Variants in MACROD1 observed in about 807,000 individuals in gnomAD.
The protein encoded by MACROD1 is mono-ADP ribosylhydrolase 1, also known as ADP-ribose glycohydrolase MACROD1.
In MACROD1, 31 loss-of-function variants were observed where a neutral mutation model predicts 41.4. The observed-to-expected ratio is 0.75, with a 90% confidence interval of 0.56 to 1.01. The LOEUF is 1.01. Among genes scored for constraint, MACROD1 ranks in the 50% least tolerant of loss-of-function variants. MACROD1 has a pLI of 0.00. For synonymous variants in MACROD1, 252 were observed against 203.4 expected (o/e 1.24, Z -2.03); for missense variants, 473 against 460.0 (o/e 1.03, Z -0.26).
intron 3 of MACROD1, among the ~76,000 whole-genome samples, chr11:64,052,186 C>T (rs1471003370): frequency 1.3e-5 from 2 of 151,912 alleles, no homozygotes; most frequent in African/African-American, 4.8e-5. Context: ...AGCCCCGGTG[C>T]CAAACCAGGG....
At chr11:64,133,069 G>A (rs1045784489) in intron 3 of MACROD1, among the ~76,000 whole-genome samples, 3 of 152,106 alleles carry the variant, frequency 2.0e-5, no homozygotes, top group Admixed American at 2.0e-4. Flanking sequence ...CCCAGCCAGA[G>A]CGCCCTGTGG....
chr11:64,000,162 G>A, intron 5 of MACROD1, 65 bp downstream of exon 5: 1 of 1,340,598 alleles, frequency 7.5e-7, no homozygotes, highest in South Asian at 1.2e-5. Flanking sequence ...CCGCACCCCT[G>A]ATGTCCCAGT....
At chr11:64,116,890 A>T (rs778199923) in intron 3 of MACROD1, 1 of 1,611,514 alleles carries the variant, frequency 6.2e-7, no homozygotes. Flanking sequence ...CTGGATGACA[A>T]CCGCATCTCC....
chr11:64,121,178 A>T (rs1945091859), intron 3 of MACROD1, among the ~76,000 whole-genome samples: 1 of 151,082 alleles, frequency 6.6e-6, no homozygotes, highest in South Asian at 2.1e-4. Context: ...CTCCCCTCCC[A>T]TTGCACAGAG....
At chr11:64,153,799 C>T (rs900539387) in intron 1 of MACROD1, among the ~76,000 whole-genome samples, 2 of 152,112 alleles carry the variant, frequency 1.3e-5, no homozygotes, top group Non-Finnish European at 2.9e-5. Flanking sequence ...TGTTTGGGCA[C>T]GAGTAGGTCC....
At chr11:64,165,590 C>T in intron 1 of MACROD1, 107 bp downstream of exon 1, 2 of 1,048,960 alleles carry the variant, frequency 1.9e-6, no homozygotes, top group Non-Finnish European at 2.6e-6. Context: ...CTCAACTTCC[C>T]CAGGTCTCTC....
intron 4 of MACROD1, among the ~76,000 whole-genome samples, chr11:64,004,501 A>G (rs1942877440): frequency 6.6e-6 from 1 of 152,184 alleles, no homozygotes; most frequent in South Asian, 2.1e-4. Flanking sequence ...AATTATTTAC[A>G]GGAACATAAG....
intron 3 of MACROD1, among the ~76,000 whole-genome samples, chr11:64,072,221 G>T: frequency 6.6e-6 from 1 of 152,120 alleles, no homozygotes; most frequent in Non-Finnish European, 1.5e-5. Context: ...AGCTGCTGTG[G>T]GATGGAGGGG....
intron 3 of MACROD1, among the ~76,000 whole-genome samples, chr11:64,016,122 C>A (rs539746078): frequency 2.6e-5 from 4 of 151,012 alleles, no homozygotes; most frequent in African/African-American, 9.7e-5. Flanking sequence ...TGGCTGCCAC[C>A]TTCCTGCGCA....
Position 64,090,726 on chromosome 11 carries a change from C to T in MACROD1, c.517+60513G>A, listed in dbSNP as rs565639949. On this transcript the variant is annotated intron_variant, in intron 3 of 10. Coordinates refer to ENST00000255681, the MANE Select transcript of MACROD1 (RefSeq NM_014067.4). The surrounding 1 kb of genome is among the most constrained non-coding windows in gnomAD (Gnocchi z 4.7). ...ACTAAAATGGGGGCAGGGGTGGCAGCGTCTCTCCACCACATCCCAAGACTA... is the reference window on the plus strand; with the variant it reads ...ACTAAAATGGGGGCAGGGGTGGCAGTGTCTCTCCACCACATCCCAAGACTA... Among the ~76,000 whole-genome samples, 2 of 152,106 alleles carry T rather than the reference C, an allele frequency of 1.3e-5. No individual in the cohort carries two copies. Among genetic ancestry groups the T allele is most frequent in the African/African-American group, 2.4e-5 (1 of 41,508 alleles).
intron 3 of MACROD1, among the ~76,000 whole-genome samples, chr11:64,140,100 C>T (rs2134677603): frequency 6.6e-6 from 1 of 152,340 alleles, no homozygotes; most frequent in East Asian, 1.9e-4. Flanking sequence ...GCCCTCCACC[C>T]CACCCCTGAA....
intron 3 of MACROD1, among the ~76,000 whole-genome samples, chr11:64,121,358 G>A (rs971051248): frequency 2.0e-5 from 3 of 152,208 alleles, no homozygotes; most frequent in South Asian, 4.1e-4. Context: ...ACCCACTGGC[G>A]CTCTAAGTGT....
At chr11:64,001,049 G>A in intron 4 of MACROD1, 1 of 231,196 alleles carries the variant, frequency 4.3e-6, no homozygotes, top group Non-Finnish European at 8.5e-6. Flanking sequence ...GGCCCCGCAT[G>A]GGCTTGTTTA....
intron 3 of MACROD1, among the ~76,000 whole-genome samples, chr11:64,088,723 G>A (rs1377579557): frequency 1.3e-5 from 2 of 152,128 alleles, no homozygotes; most frequent in East Asian, 1.9e-4. Flanking sequence ...GGGGATAATC[G>A]TGTGTTTCCC....
chr11:64,092,071 C>T (rs1565228586), intron 3 of MACROD1, among the ~76,000 whole-genome samples: 1 of 152,192 alleles, frequency 6.6e-6, no homozygotes, highest in Non-Finnish European at 1.5e-5. Flanking sequence ...AAGCCAGGAC[C>T]ATAGCACACT....
chr11:64,132,626 G>A (rs77371343), intron 3 of MACROD1, among the ~76,000 whole-genome samples: 6 of 152,178 alleles, frequency 3.9e-5, no homozygotes, highest in Non-Finnish European at 8.8e-5. Flanking sequence ...TATTGAGCCC[G>A]CGGTCCTCAG....
intron 1 of MACROD1, among the ~76,000 whole-genome samples, chr11:64,158,887 T>A (rs2134726412): frequency 6.6e-6 from 1 of 152,222 alleles, no homozygotes; most frequent in African/African-American, 2.4e-5. Context: ...ACTGAGGGTA[T>A]TCAATTAGAG....
intron 4 of MACROD1, among the ~76,000 whole-genome samples, chr11:64,014,970 G>A (rs1233043867): frequency 6.6e-6 from 1 of 152,242 alleles, no homozygotes; most frequent in Non-Finnish European, 1.5e-5. Flanking sequence ...GGGAGATCAA[G>A]GTCAGGGCTG....
Position 64,090,755 on chromosome 11 carries a change from G to GGGGGCGGGGTGGAAT in MACROD1, c.517+60483_517+60484insATTCCACCCCGCCCC, listed in dbSNP as rs1944475050. Reference sequence around the variant, plus strand: ...TCTCCACCACATCCCAAGACTAAAAGGGGGGCGGGGTGGCGGCGTCTCTCC... The same window carrying GGGGGCGGGGTGGAAT: ...TCTCCACCACATCCCAAGACTAAAAGGGGGCGGGGTGGAATGGGGGCGGGGTGGCGGCGTCTCTCC... On this transcript the variant is annotated intron_variant, in intron 3 of 10. Transcript: ENST00000255681. The surrounding 1 kb of genome is among the most constrained non-coding windows in gnomAD (Gnocchi z 4.7). Among the ~76,000 whole-genome samples, 1 of 151,398 alleles carries GGGGGCGGGGTGGAAT rather than the reference G, an allele frequency of 6.6e-6. No individual in the cohort carries two copies. Among genetic ancestry groups the GGGGGCGGGGTGGAAT allele is most frequent in the African/African-American group, 2.4e-5 (1 of 41,170 alleles).
Sources: gnomAD v4.1 joint callset for allele counts (sites outside exome capture counted in the v4.1 genomes callset) on GRCh38, gnomAD v4.1.1 for gene constraint, Gnocchi (gnomAD v3.1) non-coding constraint, MANE v1.5 for transcripts, NCBI Gene and HGNC (gene_info 2026-07-23, HGNC 2026-07-21) for gene names.